GALK2: variants seen among roughly 807,000 people sequenced by gnomAD.
The protein encoded by GALK2 is galactokinase 2.
GALK2 carries 36 observed loss-of-function variants against 52.4 expected under a neutral mutation model. The ratio of observed to expected loss-of-function variants is 0.69; its 90% confidence interval spans 0.53 to 0.91. The LOEUF is 0.91. Ranked by LOEUF, GALK2 falls within the 40% of genes least tolerant of loss-of-function variation. The pLI is 0.00. For missense variants in GALK2, 579 were observed against 559.1 expected (o/e 1.04, Z -0.36); for synonymous variants, 176 against 199.1 (o/e 0.88, Z 0.98).
intron 7 of GALK2, among the ~76,000 whole-genome samples, chr15:49,284,728 A>G (rs2033148217): frequency 6.6e-6 from 1 of 152,184 alleles, no homozygotes; most frequent in Admixed American, 6.5e-5. Flanking sequence ...CCTAACTTCC[A>G]AAAGTGATTT....
chr15:49,218,004 C>T (rs549316319), intron 3 of GALK2, among the ~76,000 whole-genome samples: 1 of 152,134 alleles, frequency 6.6e-6, no homozygotes, highest in South Asian at 2.1e-4. Flanking sequence ...GCCCTTTTTG[C>T]ATTTCTGGGA....
chr15:49,253,856 C>A (rs899063914), intron 5 of GALK2, among the ~76,000 whole-genome samples: 1 of 143,978 alleles, frequency 6.9e-6, no homozygotes, highest in Non-Finnish European at 1.6e-5. Flanking sequence ...TCATCATCAT[C>A]ATCATCAACA....
chr15:49,265,063 G>T (rs573858465), intron 5 of GALK2, among the ~76,000 whole-genome samples: 47 of 152,300 alleles, frequency 3.1e-4, no homozygotes, highest in African/African-American at 1.1e-3. Flanking sequence ...CCCATTCTCA[G>T]ATCTCCAGCT....
intron 2 of GALK2, among the ~76,000 whole-genome samples, chr15:49,211,748 C>G (rs560192568): frequency 1.3e-5 from 2 of 152,194 alleles, no homozygotes; most frequent in African/African-American, 4.8e-5. Flanking sequence ...AGGGGAAGTG[C>G]TATACTCTTT....
intron 2 of GALK2, 92 bp from the exon 3 acceptor site, chr15:49,217,098 T>A (rs1027447543): frequency 1.0e-5 from 11 of 1,085,044 alleles, no homozygotes; most frequent in Non-Finnish European, 1.5e-5. Flanking sequence ...AAAACCTGGC[T>A]CATGGTCAGT....
rs191502892 is a variant in GALK2, at chr15:49,349,643, T to C, written c.427-17848T>C. Among the ~76,000 whole-genome samples the C allele has an allele frequency of 7.9e-5, 12 of 152,256 alleles. No individual in the cohort carries two copies. In the East Asian group the frequency reaches 2.3e-3, roughly 29 times the overall value. ...TGATATATGGTAGCATCAAAGGGAA[T>C]TGAGCAGAGATTCACTGATCAGAAA... is the stretch of plus-strand genomic sequence containing the variant. On this transcript the variant is annotated intron_variant, in intron 3 of 3. Coordinates refer to the GALK2 transcript ENST00000558399.
intron 3 of GALK2, among the ~76,000 whole-genome samples, chr15:49,347,964 A>G (rs1225420905): frequency 2.1e-5 from 3 of 141,168 alleles, no homozygotes; most frequent in Non-Finnish European, 4.5e-5. Context: ...GGCTGCAGTG[A>G]GCTGAGATTG....
At chr15:49,245,184 C>CT (rs1485505117) in intron 5 of GALK2, among the ~76,000 whole-genome samples, 1 of 152,010 alleles carries the variant, frequency 6.6e-6, no homozygotes, top group Non-Finnish European at 1.5e-5. Context: ...AAAATCCTCA[C>CT]TTATCATAAT....
intron 2 of GALK2, among the ~76,000 whole-genome samples, chr15:49,210,929 T>G (rs377432478): frequency 6.7e-6 from 1 of 148,966 alleles, no homozygotes; most frequent in Non-Finnish European, 1.5e-5. Flanking sequence ...GTATTTTTAC[T>G]AGAGACGGGG....
chr15:49,218,522 G>A (rs923713126), intron 3 of GALK2, among the ~76,000 whole-genome samples: 10 of 152,282 alleles, frequency 6.6e-5, no homozygotes, highest in African/African-American at 2.4e-4. Flanking sequence ...GAAAGAGCAT[G>A]AAGAATGAGT....
upstream of GALK2, among the ~76,000 whole-genome samples, chr15:49,169,436 G>A (rs776066653): frequency 1.3e-4 from 19 of 151,892 alleles, no homozygotes; most frequent in Non-Finnish European, 2.2e-4. Flanking sequence ...TTCACCTTTC[G>A]TCGTTCATTC....
Position 49,294,647 on chromosome 15 carries a change from TAC to T in GALK2, c.967+2112_967+2113del, listed in dbSNP as rs557865516. Among the ~76,000 whole-genome samples the T allele has an allele frequency of 6.8e-3, 1,028 of 152,286 alleles. 9 individuals are homozygous for T. The highest frequency in any genetic ancestry group is 0.024 in the African/African-American group (984 of 41,550). Reference sequence around the variant, plus strand: ...CTGGAAATTGTGCTAGATGCTGGGATACAAAGATAATCAGGACACAGTCTCTA... The same window carrying T: ...CTGGAAATTGTGCTAGATGCTGGGATAAAGATAATCAGGACACAGTCTCTA... On this transcript the variant is annotated intron_variant, in intron 8 of 9. Transcript: ENST00000560031.
intron 3 of GALK2, among the ~76,000 whole-genome samples, chr15:49,357,378 C>A (rs1267544679): frequency 1.4e-5 from 2 of 147,794 alleles, no homozygotes; most frequent in Non-Finnish European, 3.0e-5. Context: ...ATCAAATAGA[C>A]GCAATAAAAA....
intron 3 of GALK2, among the ~76,000 whole-genome samples, chr15:49,224,279 C>T (rs2089998674): frequency 6.6e-6 from 1 of 152,172 alleles, no homozygotes; most frequent in Non-Finnish European, 1.5e-5. Context: ...TATTTTCTCT[C>T]ATTTTGTGAG....
chr15:49,335,608 AAG>A, downstream of GALK2: 1 of 665,784 alleles, frequency 1.5e-6, no homozygotes, highest in African/African-American at 1.8e-5. Flanking sequence ...TTCAGTAATG[AAG>A]AGTCTCAAGT....
At chr15:49,237,982 C>G (rs2090915300) in intron 4 of GALK2, among the ~76,000 whole-genome samples, 1 of 152,070 alleles carries the variant, frequency 6.6e-6, no homozygotes, top group Non-Finnish European at 1.5e-5. Context: ...AAGAGAAGTA[C>G]ACCCAGCTAA....
intron 8 of GALK2, among the ~76,000 whole-genome samples, chr15:49,293,225 A>AGTT (rs2034119355): frequency 1.3e-5 from 2 of 152,236 alleles, no homozygotes; most frequent in South Asian, 4.1e-4. Context: ...TGTCTCATTC[A>AGTT]GTTCAGTTCT....
chr15:49,267,732 A>T (rs1006015912), intron 5 of GALK2, among the ~76,000 whole-genome samples: 4 of 152,126 alleles, frequency 2.6e-5, no homozygotes, highest in African/African-American at 9.7e-5. Flanking sequence ...AGTTATTGGC[A>T]TATTTTTCTT....
At chr15:49,347,861 A>C (rs535618162) in intron 3 of GALK2, among the ~76,000 whole-genome samples, 1 of 152,150 alleles carries the variant, frequency 6.6e-6, no homozygotes, top group East Asian at 1.9e-4. Context: ...TCTACTAAAA[A>C]TATACAAATT....
Sources: allele counts gnomAD v4.1 joint callset (sites outside exome capture counted in the v4.1 genomes callset), GRCh38; gene constraint gnomAD v4.1.1; transcripts MANE v1.5; gene names NCBI Gene and HGNC (gene_info 2026-07-23, HGNC 2026-07-21).